PRKN: variants seen among roughly 807,000 people sequenced by gnomAD.
PRKN encodes E3 ubiquitin-protein ligase parkin.
PRKN carries 56 observed loss-of-function variants against 59.5 expected under a neutral mutation model. The observed-to-expected ratio is 0.94, with a 90% CI of 0.76 to 1.18. PRKN has a LOEUF of 1.18. Among genes scored for constraint, PRKN ranks in the 50% most tolerant of loss-of-function variants. PRKN has a pLI of 0.00. For missense variants in PRKN, 657 were observed against 596.4 expected (o/e 1.10, Z -1.06); for synonymous variants, 250 against 222.1 (o/e 1.13, Z -1.12).
chr6:162,195,086 A>G (rs1323101179), intron 4 of PRKN, among the ~76,000 whole-genome samples: 1 of 152,180 alleles, frequency 6.6e-6, no homozygotes, highest in Non-Finnish European at 1.5e-5. Flanking sequence ...TTATGAATCC[A>G]CACAGAAACC....
At chr6:162,170,023 AAAGTGAAAT>A (rs1783196655) in intron 4 of PRKN, among the ~76,000 whole-genome samples, 3 of 152,212 alleles carry the variant, frequency 2.0e-5, no homozygotes, top group Non-Finnish European at 4.4e-5. Flanking sequence ...ACCTCATTAC[AAAGTGAAAT>A]TCACCACTAT....
rs542150041 is a variant in PRKN at position 161,852,691 on chromosome 6, A to G, written c.735-66783T>C. On this transcript the variant is annotated intron_variant, in intron 6 of 11. Coordinates refer to ENST00000366898, the MANE Select transcript of PRKN (RefSeq NM_004562.3). Reference sequence around the variant, plus strand: ...AGCAACTGAGCTTTTTTGAAGAAACATTAAATGCACACATAAAACCCCTGA... The same window carrying G: ...AGCAACTGAGCTTTTTTGAAGAAACGTTAAATGCACACATAAAACCCCTGA... 1.1e-3 allele frequency among the ~76,000 whole-genome samples: 163 copies of G among 152,362 alleles called. 1 individual carries two copies. Among genetic ancestry groups the G allele is most frequent in the Non-Finnish European group, 2.0e-3 (137 of 68,038 alleles).
At chr6:162,715,783 C>G (rs1342482943) in intron 1 of PRKN, among the ~76,000 whole-genome samples, 1 of 152,172 alleles carries the variant, frequency 6.6e-6, no homozygotes. Flanking sequence ...TCCCTGTACT[C>G]CATCCCGTCA....
At chr6:162,199,942 G>A (rs965057489) in intron 4 of PRKN, among the ~76,000 whole-genome samples, 8 of 152,180 alleles carry the variant, frequency 5.3e-5, no homozygotes, top group East Asian at 1.9e-4. Flanking sequence ...GATGAAATGC[G>A]CCTTAATTAG....
rs191320083 is a variant in PRKN at position 161,432,400 on chromosome 6, T to G, written c.1084-45523A>C. 1.2e-3 allele frequency among the ~76,000 whole-genome samples: 182 copies of G among 148,230 alleles called. 2 individuals are homozygous for G. In the East Asian group the frequency reaches 0.031, roughly 25 times the overall value. On this transcript the variant is annotated intron_variant, in intron 9 of 11. Coordinates refer to ENST00000366898, the MANE Select transcript of PRKN (RefSeq NM_004562.3). ...TTTTTGAGACGAAGTCTCACTCTTG[T>G]CATCCAGGCTGGAGTTTAATGGCGC...
Position 161,423,825 on chromosome 6 carries a change from G to C in PRKN, c.1084-36948C>G, listed in dbSNP as rs1045928756. 6.6e-6 allele frequency among the ~76,000 whole-genome samples: 1 copy of C among 152,168 alleles called. No homozygotes were observed. The highest frequency in any genetic ancestry group is 1.5e-5 in the Non-Finnish European group (1 of 68,044). The stretch of plus-strand genomic sequence containing the variant: ...CTGCCTAGGTCTCATCATTGTGTAT[G>C]AATTGACAGAACAGTGCCCAGTTTA... On this transcript the variant is annotated intron_variant, in intron 9 of 11. Transcript: ENST00000366898. This position sits in a 1 kb window ranked among gnomAD's most constrained non-coding sequence, Gnocchi z 5.9.
chr6:162,641,176 A>T (rs1777943269), intron 1 of PRKN, among the ~76,000 whole-genome samples: 1 of 152,160 alleles, frequency 6.6e-6, no homozygotes, highest in Non-Finnish European at 1.5e-5. Context: ...TCCTGATTTG[A>T]CAACTATCTT....
At chr6:161,871,104 A>G (rs1794325269) in intron 6 of PRKN, among the ~76,000 whole-genome samples, 1 of 151,978 alleles carries the variant, frequency 6.6e-6, no homozygotes, top group Non-Finnish European at 1.5e-5. Flanking sequence ...AGGGAAAATA[A>G]GATAGATACT....
At chr6:162,570,727 A>G (rs1252710633) in intron 1 of PRKN, among the ~76,000 whole-genome samples, 3 of 152,188 alleles carry the variant, frequency 2.0e-5, no homozygotes, top group Non-Finnish European at 4.4e-5. Context: ...CAAACATCAC[A>G]TGTTCTCACT....
chr6:162,193,267 G>A (rs557829382), intron 4 of PRKN, among the ~76,000 whole-genome samples: 3 of 152,284 alleles, frequency 2.0e-5, no homozygotes, highest in East Asian at 3.9e-4. Flanking sequence ...GGCTCTCAAC[G>A]TACGCATTTC....
intron 1 of PRKN, among the ~76,000 whole-genome samples, chr6:162,458,543 A>C (rs1246347053): frequency 6.6e-6 from 1 of 151,824 alleles, no homozygotes; most frequent in Non-Finnish European, 1.5e-5. Flanking sequence ...ATATAAATAT[A>C]TTCCACTGTT....
Position 162,533,332 on chromosome 6 carries a change from T to C in PRKN, c.8-89859A>G, listed in dbSNP as rs1044537744. 2.0e-5 allele frequency among the ~76,000 whole-genome samples: 3 copies of C among 152,100 alleles called. No homozygotes were observed. The South Asian group carries it at 6.2e-4, about 32-fold the overall frequency. ...TGAGGTCAGGAGTTCGAGACCAGCA[T>C]GGCTGACATAGTGAAACCCTGTCTC... On this transcript the variant is annotated intron_variant, in intron 1 of 11. Transcript: ENST00000366898.
chr6:162,678,734 A>G, intron 1 of PRKN, among the ~76,000 whole-genome samples: 1 of 152,188 alleles, frequency 6.6e-6, no homozygotes, highest in South Asian at 2.1e-4. Context: ...ATGTTTCTCC[A>G]AGTCCTGACT....
chr6:162,378,839 T>G (rs1583466459), intron 2 of PRKN, among the ~76,000 whole-genome samples: 1 of 152,192 alleles, frequency 6.6e-6, no homozygotes, highest in Admixed American at 6.5e-5. Context: ...AGTTTTAAGA[T>G]GATTCCTCAA....
At chr6:162,366,662 T>C (rs977563950) in intron 2 of PRKN, among the ~76,000 whole-genome samples, 6 of 152,016 alleles carry the variant, frequency 3.9e-5, no homozygotes, top group African/African-American at 1.4e-4. Flanking sequence ...TCCCAGCACT[T>C]TGGGAGGCCG....
chr6:162,054,983 G>A (rs189417433), intron 4 of PRKN, among the ~76,000 whole-genome samples: 18 of 152,090 alleles, frequency 1.2e-4, no homozygotes, highest in Non-Finnish European at 2.2e-4. Flanking sequence ...CTAACATGGC[G>A]AAACCCTGTC....
At chr6:162,612,761 C>A (rs2128219223) in intron 1 of PRKN, among the ~76,000 whole-genome samples, 1 of 152,082 alleles carries the variant, frequency 6.6e-6, no homozygotes, top group South Asian at 2.1e-4. Flanking sequence ...CAGACGCAGC[C>A]CTAAGTGGTG....
rs577788547 is a variant in PRKN at position 161,692,620 on chromosome 6, G to T, written c.871+93152C>A. 6.1e-4 allele frequency among the ~76,000 whole-genome samples: 93 copies of T among 152,354 alleles called. No homozygotes were observed. The South Asian group carries it at 0.018, about 30-fold the overall frequency. On this transcript the variant is annotated intron_variant, in intron 7 of 11. Transcript: ENST00000366898. ...GATAAGAAGCTACTATAGGAAAAGT[G>T]GGTGGGCTGGGCACAGTGGCTTACG...
chr6:162,041,561 C>T (rs757219088), intron 5 of PRKN, among the ~76,000 whole-genome samples: 1 of 152,164 alleles, frequency 6.6e-6, no homozygotes, highest in Non-Finnish European at 1.5e-5. Context: ...TAGGTTGTTA[C>T]TGTGGTTTAG....
Sources: allele counts gnomAD v4.1 joint callset (sites outside exome capture counted in the v4.1 genomes callset), GRCh38; gene constraint gnomAD v4.1.1; non-coding constraint Gnocchi (gnomAD v3.1); transcripts MANE v1.5; gene names NCBI Gene and HGNC (gene_info 2026-07-23, HGNC 2026-07-21).